The following MSI2 variants were observed in gnomAD, a reference collection of about 807,000 sequenced individuals.
The protein encoded by MSI2 is RNA-binding protein Musashi homolog 2.
MSI2 carries 17 observed loss-of-function variants against 45.6 expected under a neutral mutation model. That is an observed-to-expected ratio of 0.37 (90% CI 0.26 to 0.56). The LOEUF is 0.56. Among genes scored for constraint, MSI2 ranks in the 20% least tolerant of loss-of-function variants. The pLI, the probability that MSI2 is intolerant of heterozygous loss-of-function variation, is 0.77. For missense variants in MSI2, 293 were observed against 444.2 expected (o/e 0.66, Z 3.06); for synonymous variants, 156 against 158.2 (o/e 0.99, Z 0.11).
At chr17:57,421,223 G>A (rs921927234) in intron 6 of MSI2, among the ~76,000 whole-genome samples, 2 of 152,202 alleles carry the variant, frequency 1.3e-5, no homozygotes, top group South Asian at 4.2e-4. Flanking sequence ...CTCCATCAGC[G>A]CTTTTAATGT....
At chr17:57,391,301 C>T (rs982162080) in intron 5 of MSI2, among the ~76,000 whole-genome samples, 4 of 152,128 alleles carry the variant, frequency 2.6e-5, no homozygotes, top group African/African-American at 9.7e-5. Flanking sequence ...CTCAGGGTTA[C>T]GATTTCACAT....
chr17:57,454,358 A>G (rs1274001569), intron 6 of MSI2, among the ~76,000 whole-genome samples: 4 of 151,732 alleles, frequency 2.6e-5, no homozygotes, highest in Admixed American at 2.6e-4. Context: ...AGCCCGCCTC[A>G]TCTTCCCTGT....
intron 6 of MSI2, among the ~76,000 whole-genome samples, chr17:57,500,889 G>A (rs1288191727): frequency 1.3e-5 from 2 of 151,644 alleles, no homozygotes; most frequent in Non-Finnish European, 2.9e-5. Context: ...CTTGAGTCCA[G>A]GAGGTCAAGG....
At position 57,652,394 on chromosome 17, in the gene MSI2, T is replaced by G. The variant is rs1408725700; in HGVS notation, c.790+233T>G. Among the ~76,000 whole-genome samples the G allele has an allele frequency of 4.6e-5, 7 of 152,054 alleles. No individual in the cohort carries two copies. Among genetic ancestry groups the G allele is most frequent in the Non-Finnish European group, 7.4e-5 (5 of 67,990 alleles). On this transcript the variant is annotated intron_variant, in intron 11 of 13. Transcript: ENST00000284073. The surrounding 1 kb of genome is among the most constrained non-coding windows in gnomAD (Gnocchi z 4.1). ...ATGGGACTGCAAACTAAAGGCAGATTATTATTCTCTCCTTGAAAAAAAAAA... is the reference window on the plus strand; with the variant it reads ...ATGGGACTGCAAACTAAAGGCAGATGATTATTCTCTCCTTGAAAAAAAAAA...
intron 6 of MSI2, among the ~76,000 whole-genome samples, chr17:57,460,382 A>AG (rs1167451692): frequency 1.3e-5 from 2 of 151,820 alleles, no homozygotes; most frequent in Non-Finnish European, 2.9e-5. Flanking sequence ...GGAAAGGAAA[A>AG]AGAGAGAAAG....
At chr17:57,331,605 A>T (rs1422667626) in intron 5 of MSI2, among the ~76,000 whole-genome samples, 1 of 152,212 alleles carries the variant, frequency 6.6e-6, no homozygotes, top group Non-Finnish European at 1.5e-5. Flanking sequence ...TATGCAGTAT[A>T]GACGTGCATG....
At chr17:57,614,711 T>A (rs1907508851) in intron 8 of MSI2, among the ~76,000 whole-genome samples, 1 of 152,216 alleles carries the variant, frequency 6.6e-6, no homozygotes, top group Non-Finnish European at 1.5e-5. Flanking sequence ...GTTAAATTTC[T>A]CTGTAAACAA....
At chr17:57,525,759 C>T (rs900846906) in intron 6 of MSI2, among the ~76,000 whole-genome samples, 1 of 152,224 alleles carries the variant, frequency 6.6e-6, no homozygotes, top group Non-Finnish European at 1.5e-5. Flanking sequence ...GATCAGACAC[C>T]TCTTGTCCTT....
At chr17:57,501,521 A>G (rs1045685500) in intron 6 of MSI2, among the ~76,000 whole-genome samples, 1 of 152,216 alleles carries the variant, frequency 6.6e-6, no homozygotes, top group African/African-American at 2.4e-5. Context: ...TCCTGCCTCC[A>G]GGCTGCCCCC....
intron 5 of MSI2, among the ~76,000 whole-genome samples, chr17:57,317,703 G>T (rs950503549): frequency 6.6e-6 from 1 of 151,934 alleles, no homozygotes; most frequent in Non-Finnish European, 1.5e-5. Context: ...AATATATAAG[G>T]CAGAGAAAGA....
In MSI2 at chr17:57,616,014, T is replaced by A; in HGVS notation, c.582T>A (p.Pro194=). The A allele has an allele frequency of 6.2e-7, 1 of 1,614,192 alleles. No homozygotes were observed. Among genetic ancestry groups the A allele is most frequent in the Non-Finnish European group, 8.5e-7 (1 of 1,180,020 alleles). Residue 194 remains proline, a synonymous_variant, in exon 9 of 14, where the codon CCT becomes CCA. Transcript: ENST00000284073. The part of the protein sequence containing the change: ...KAQPKEVMFP[P]GTRGRARGLP... ...AGCCGAAAGAAGTCATGTTCCCACC[T>A]GGGACAAGAGGCCGGGCCCGGGGAC...
intron 6 of MSI2, among the ~76,000 whole-genome samples, chr17:57,429,011 G>A (rs938652879): frequency 3.3e-5 from 5 of 152,130 alleles, no homozygotes; most frequent in African/African-American, 9.7e-5. Flanking sequence ...GATCCCCCAC[G>A]CTTAAATATA....
intron 6 of MSI2, among the ~76,000 whole-genome samples, chr17:57,453,960 G>A (rs1051300602): frequency 2.0e-5 from 3 of 152,176 alleles, no homozygotes; most frequent in African/African-American, 7.2e-5. Flanking sequence ...AAAACCACTG[G>A]TTGGATGAGT....
chr17:57,697,284 ACACT>A, the MSI2 span, among the ~76,000 whole-genome samples: 24 of 151,374 alleles, frequency 1.6e-4, no homozygotes, highest in African/African-American at 2.9e-4. Flanking sequence ...CACCCCTCAC[ACACT>A]CTACACACTC....
chr17:57,607,793 T>C (rs975864955), intron 8 of MSI2, among the ~76,000 whole-genome samples: 3 of 152,184 alleles, frequency 2.0e-5, no homozygotes, highest in African/African-American at 7.2e-5. Flanking sequence ...GAGCTTTTAC[T>C]CACGGAGGAA....
intron 7 of MSI2, among the ~76,000 whole-genome samples, chr17:57,542,559 T>C (rs1204359555): frequency 6.8e-6 from 1 of 146,576 alleles, no homozygotes; most frequent in Non-Finnish European, 1.6e-5. Context: ...GATGTCCTGA[T>C]GCCTGAGTCC....
At chr17:57,343,160 TG>T (rs759199648) in intron 5 of MSI2, among the ~76,000 whole-genome samples, 2 of 152,184 alleles carry the variant, frequency 1.3e-5, no homozygotes, top group South Asian at 2.1e-4. Context: ...CTGCACAGCC[TG>T]TGAGGTAGGG....
the MSI2 span, among the ~76,000 whole-genome samples, chr17:57,691,985 A>C: frequency 2.0e-5 from 3 of 152,188 alleles, no homozygotes; most frequent in Admixed American, 2.0e-4. Flanking sequence ...AATGCCTTTT[A>C]TTGAGTTAAG....
intron 7 of MSI2, among the ~76,000 whole-genome samples, chr17:57,550,945 A>G (rs1293864994): frequency 2.0e-5 from 3 of 152,172 alleles, no homozygotes; most frequent in African/African-American, 4.8e-5. Flanking sequence ...CCATTTTTCT[A>G]TTAAACTCAA....
Sources: gnomAD v4.1 joint callset for allele counts (sites outside exome capture counted in the v4.1 genomes callset) on GRCh38, gnomAD v4.1.1 for gene constraint, Gnocchi (gnomAD v3.1) non-coding constraint, MANE v1.5 for transcripts, NCBI Gene and HGNC (gene_info 2026-07-23, HGNC 2026-07-21) for gene names.